ZFHX3: variants seen among roughly 807,000 people sequenced by gnomAD.
The protein encoded by ZFHX3 is zinc finger homeobox 3.
A neutral mutation model predicts 279.1 loss-of-function variants in ZFHX3; 42 were observed. The ratio of observed to expected loss-of-function variants is 0.15; its 90% CI spans 0.12 to 0.19. The LOEUF is 0.19. Ranked by LOEUF, ZFHX3 falls within the 10% of genes least tolerant of loss-of-function variation. The pLI is 1.00. For missense variants in ZFHX3, 4,981 were observed against 4,754.0 expected, an observed-to-expected ratio of 1.05 and a Z score of -1.40; for synonymous variants, 2,293 against 1,957.8, an observed-to-expected ratio of 1.17 and a Z score of -4.52.
At chr16:72,812,165 G>A in intron 5 of ZFHX3, 127 bp from the exon 6 acceptor site, 4 of 1,310,772 alleles carry the variant, frequency 3.1e-6, no homozygotes, top group Non-Finnish European at 4.1e-6. Context: ...AATTCAAGAA[G>A]GATGAACATC....
At chr16:73,478,083 C>T (rs1333294976) in intron 2 of ZFHX3, among the ~76,000 whole-genome samples, 1 of 152,034 alleles carries the variant, frequency 6.6e-6, no homozygotes, top group South Asian at 2.1e-4. Flanking sequence ...ACATCCTGGC[C>T]AACATGGTGA....
chr16:72,815,383 G>A (rs2036576339), intron 5 of ZFHX3, among the ~76,000 whole-genome samples: 1 of 151,386 alleles, frequency 6.6e-6, no homozygotes, highest in Non-Finnish European at 1.5e-5. Flanking sequence ...ACCCCAGCCT[G>A]GGTGACAGAG....
At chr16:73,848,681 ACCT>A (rs1348683681) in intron 1 of ZFHX3, among the ~76,000 whole-genome samples, 1 of 152,220 alleles carries the variant, frequency 6.6e-6, no homozygotes, top group African/African-American at 2.4e-5. Context: ...TAATCAAATC[ACCT>A]CCTCAATGCA....
upstream of ZFHX3, among the ~76,000 whole-genome samples, chr16:73,048,662 C>T (rs1010748521): frequency 9.9e-5 from 15 of 152,258 alleles, no homozygotes; most frequent in Admixed American, 6.5e-4. Flanking sequence ...TGGGCCCCGT[C>T]CACGTCACAG....
intron 1 of ZFHX3, among the ~76,000 whole-genome samples, chr16:73,840,463 A>G (rs328318): frequency 0.4 from 61,296 of 151,982 alleles, 12,975 homozygotes; most frequent in Non-Finnish European, 0.46. Context: ...ACTCAGGTAC[A>G]CAACGTAATT....
intron 1 of ZFHX3, among the ~76,000 whole-genome samples, chr16:73,818,269 A>C (rs775395191): frequency 3.3e-5 from 5 of 152,210 alleles, no homozygotes; most frequent in Non-Finnish European, 5.9e-5. Context: ...AATGTAGTTA[A>C]TTAATATCTC....
chr16:73,713,511 T>C (rs1379056460), intron 1 of ZFHX3, among the ~76,000 whole-genome samples: 1 of 152,200 alleles, frequency 6.6e-6, no homozygotes, highest in Non-Finnish European at 1.5e-5. Flanking sequence ...ATGCAATGCA[T>C]GAAGCTGGCG....
chr16:73,299,849 G>C (rs1298285981), intron 4 of ZFHX3, among the ~76,000 whole-genome samples: 1 of 152,174 alleles, frequency 6.6e-6, no homozygotes, highest in African/African-American at 2.4e-5. Flanking sequence ...CAGCAAAGCA[G>C]ACCTATGACA....
At chr16:73,448,681 T>A (rs1225828051) in intron 3 of ZFHX3, among the ~76,000 whole-genome samples, 1 of 132,532 alleles carries the variant, frequency 7.5e-6, no homozygotes, top group African/African-American at 2.9e-5. Flanking sequence ...TGTATATTTA[T>A]ATACGTGTGT....
intron 3 of ZFHX3, among the ~76,000 whole-genome samples, chr16:72,892,237 G>C (rs2038790455): frequency 6.6e-6 from 1 of 152,162 alleles, no homozygotes; most frequent in South Asian, 2.1e-4. Flanking sequence ...ACATAAACTG[G>C]CTAAAGTATC....
intron 5 of ZFHX3, among the ~76,000 whole-genome samples, chr16:72,815,872 C>A (rs981213609): frequency 6.6e-6 from 1 of 152,050 alleles, no homozygotes; most frequent in African/African-American, 2.4e-5. Flanking sequence ...GTGGTTTGTA[C>A]AATAATCACA....
intron 2 of ZFHX3, among the ~76,000 whole-genome samples, chr16:73,555,105 G>A (rs1032081665): frequency 1.3e-5 from 2 of 152,070 alleles, no homozygotes; most frequent in East Asian, 1.9e-4. Flanking sequence ...GGGAGGTGGG[G>A]GAATCCACAT....
At chr16:73,378,941 C>A (rs1360838994) in intron 3 of ZFHX3, among the ~76,000 whole-genome samples, 4 of 152,072 alleles carry the variant, frequency 2.6e-5, no homozygotes, top group African/African-American at 4.8e-5. Flanking sequence ...CTTTTGGGGG[C>A]ACTTGTTCTA....
chr16:73,057,195 C>T (rs909696374), intron 1 of ZFHX3, among the ~76,000 whole-genome samples: 3 of 152,126 alleles, frequency 2.0e-5, no homozygotes, highest in Non-Finnish European at 4.4e-5. Context: ...AGACTGGGTG[C>T]CTTTTGAAAG....
intron 3 of ZFHX3, among the ~76,000 whole-genome samples, chr16:72,910,877 G>A (rs182604474): frequency 5.3e-4 from 81 of 152,224 alleles, no homozygotes; most frequent in Middle Eastern, 3.4e-3. Flanking sequence ...GATGGTGCAG[G>A]AGCCCTCCAG....
chr16:73,218,017 A>G (rs2012275659), intron 5 of ZFHX3, among the ~76,000 whole-genome samples: 1 of 152,188 alleles, frequency 6.6e-6, no homozygotes, highest in Non-Finnish European at 1.5e-5. Context: ...GGTGTCTTCC[A>G]GTTTTATTCT....
intron 3 of ZFHX3, among the ~76,000 whole-genome samples, chr16:73,321,219 T>C (rs915284949): frequency 2.0e-5 from 3 of 152,160 alleles, no homozygotes; most frequent in Non-Finnish European, 2.9e-5. Context: ...TAGGGTCCTA[T>C]GATACGCTCT....
Position 72,787,512 on chromosome 16 carries a change from C to G in ZFHX3, c.10764G>C (p.Gln3588His), listed in dbSNP as rs201078474. 3.1e-6 allele frequency: 5 copies of G among 1,613,904 alleles called. No homozygotes were observed. Among genetic ancestry groups the G allele is most frequent in the Non-Finnish European group, 4.2e-6 (5 of 1,179,940 alleles). The change falls in exon 10 of 10, where the codon CAG becomes CAC. Residue 3588 changes from glutamine to histidine, a missense_variant. Physicochemically the swap from Gln to His is conservative, Grantham distance 24 (BLOSUM62 0). This residue lies in a region of ZFHX3 where 1,034 missense variants were observed against 786.0 expected (regional missense o/e 1.32). Transcript: ENST00000268489. ...FPDPSTASTS[Q>H]SAAHSNDSPP... ...GGCTGTCGTTTGAGTGAGCGGCAGA[C>G]TGCGAGGTAGATGCGGTGCTAGGAT... is the stretch of plus-strand genomic sequence containing the variant.
At chr16:72,948,611 G>A (rs952778349) in intron 3 of ZFHX3, among the ~76,000 whole-genome samples, 10 of 152,136 alleles carry the variant, frequency 6.6e-5, no homozygotes, top group African/African-American at 1.7e-4. Flanking sequence ...GACTCCAGCC[G>A]CACGGAGGAT....
Sources: gnomAD v4.1 joint callset for allele counts (sites outside exome capture counted in the v4.1 genomes callset) on GRCh38, gnomAD v4.1.1 for gene constraint, gnomAD v4.1.1 regional missense constraint, MANE v1.5 for transcripts, NCBI Gene and HGNC (gene_info 2026-07-23, HGNC 2026-07-21) for gene names.